The following BIRC6 variants were observed in gnomAD, a reference collection of about 807,000 sequenced individuals.
The protein encoded by BIRC6 is baculoviral IAP repeat containing 6.
A neutral mutation model predicts 503.3 loss-of-function variants in BIRC6; 98 were observed. The observed-to-expected ratio is 0.19, with a 90% CI of 0.17 to 0.23. The LOEUF (loss-of-function observed/expected upper bound fraction) is 0.23, where lower values mean the gene tolerates loss of function less well. BIRC6 is among the 10% of genes least tolerant of loss of function. The probability of loss-of-function intolerance (pLI) is 1.00; values close to 1 mark genes in which losing one functional copy is unlikely to be tolerated. For synonymous variants in BIRC6, 2,240 were observed against 2,078.7 expected, an observed-to-expected ratio of 1.08 and a Z score of -2.11; for missense variants, 5,360 against 5,806.0, an observed-to-expected ratio of 0.92 and a Z score of 2.50.
intron 8 of BIRC6, among the ~76,000 whole-genome samples, chr2:32,403,170 C>G (rs1190007426): frequency 6.6e-6 from 1 of 152,186 alleles, no homozygotes; most frequent in East Asian, 1.9e-4. Flanking sequence ...AGCCCCCTCT[C>G]TTCACTTCCC....
intron 1 of BIRC6, among the ~76,000 whole-genome samples, chr2:32,367,070 G>A (rs1455442080): frequency 2.0e-5 from 3 of 152,176 alleles, no homozygotes; most frequent in Non-Finnish European, 4.4e-5. Context: ...CTTGGGTGTA[G>A]AAGAGAATAT....
chr2:32,617,608 C>A, intron 73 of BIRC6, 117 bp from the exon 74 acceptor site: 1 of 1,063,780 alleles, frequency 9.4e-7, no homozygotes, highest in Non-Finnish European at 1.3e-6. Flanking sequence ...TAAGGAGGGG[C>A]TCAGTAAATA....
At chr2:32,404,448 G>T (rs1256952707) in intron 8 of BIRC6, among the ~76,000 whole-genome samples, 1 of 151,702 alleles carries the variant, frequency 6.6e-6, no homozygotes, top group African/African-American at 2.4e-5. Context: ...CTCCTGAGTA[G>T]CTGGGACTGA....
At chr2:32,452,094 T>C (rs2046791956) in intron 22 of BIRC6, among the ~76,000 whole-genome samples, 1 of 152,222 alleles carries the variant, frequency 6.6e-6, no homozygotes, top group African/African-American at 2.4e-5. Flanking sequence ...TTACCACTTG[T>C]CAAGTTTTTG....
chr2:32,411,491 CT>C (rs1238845566), intron 9 of BIRC6, among the ~76,000 whole-genome samples: 1 of 120,098 alleles, frequency 8.3e-6, no homozygotes, highest in East Asian at 2.8e-4. Flanking sequence ...GTGGTTTTTT[CT>C]TTTGAGACGG....
chr2:32,485,372 G>C (rs771272110), intron 39 of BIRC6, among the ~76,000 whole-genome samples: 2 of 152,090 alleles, frequency 1.3e-5, no homozygotes, highest in Non-Finnish European at 2.9e-5. Flanking sequence ...TGAGAAACCT[G>C]GTTCTCATTA....
At chr2:32,423,302 T>G (rs1267518430) in intron 10 of BIRC6, among the ~76,000 whole-genome samples, 1 of 152,148 alleles carries the variant, frequency 6.6e-6, no homozygotes, top group Non-Finnish European at 1.5e-5. Context: ...TTAAAATGTG[T>G]TAAATATATA....
At chr2:32,447,599 G>T (rs1222599779) in intron 21 of BIRC6, among the ~76,000 whole-genome samples, 2 of 111,180 alleles carry the variant, frequency 1.8e-5, no homozygotes, top group African/African-American at 7.9e-5. Flanking sequence ...CTGGCCAGGC[G>T]GGGGGCTGAT....
At position 32,525,651 on chromosome 2, in the gene BIRC6, C is replaced by T. The variant is rs377566860; in HGVS notation, c.11920+23C>T. ...CAGGTAATATTCCTCAATGAATAAA[C>T]GTCAAAGAAATTTTAGTAGCCTTAA... On this transcript the variant is annotated intron_variant, in intron 59 of 73. Coordinates refer to ENST00000421745, the MANE Select transcript of BIRC6 (RefSeq NM_016252.4). 48 of 1,591,344 alleles carry T rather than the reference C, an allele frequency of 3.0e-5. No homozygotes were observed. In the African/African-American group the frequency reaches 4.9e-4, roughly 16 times the overall value.
chr2:32,615,142 C>G (rs780637228), intron 73 of BIRC6, among the ~76,000 whole-genome samples: 22 of 152,158 alleles, frequency 1.4e-4, no homozygotes, highest in Non-Finnish European at 5.9e-5. Flanking sequence ...AATTCACTCA[C>G]TATCTCAGGA....
At chr2:32,435,375 C>T (rs901094896) in intron 13 of BIRC6, 121 bp from the exon 14 acceptor site, 2 of 1,104,772 alleles carry the variant, frequency 1.8e-6, no homozygotes, top group African/African-American at 1.6e-5. Flanking sequence ...CCCAAGTTAA[C>T]AGGAAATTTT....
intron 3 of BIRC6, among the ~76,000 whole-genome samples, chr2:32,383,758 C>T (rs1337271881): frequency 3.3e-5 from 5 of 152,136 alleles, no homozygotes; most frequent in African/African-American, 1.2e-4. Context: ...TCTTGAACTC[C>T]TGACCTCAGG....
chr2:32,525,346 A>G, intron 58 of BIRC6, 118 bp from the exon 59 acceptor site: 1 of 1,095,404 alleles, frequency 9.1e-7, no homozygotes, highest in Non-Finnish European at 1.3e-6. Flanking sequence ...TAGAAGGAAC[A>G]TTTCTGTTTT....
intron 44 of BIRC6, 85 bp downstream of exon 44, chr2:32,491,643 T>C (rs2051724292): frequency 1.5e-6 from 2 of 1,371,198 alleles, no homozygotes; most frequent in East Asian, 2.3e-5. Flanking sequence ...TTTTTATTGC[T>C]AAAGTATTAA....
intron 61 of BIRC6, among the ~76,000 whole-genome samples, chr2:32,536,068 A>AT (rs2057210004): frequency 6.6e-6 from 1 of 152,170 alleles, no homozygotes; most frequent in South Asian, 2.1e-4. Context: ...GATGATGAGC[A>AT]TTTTTTCATG....
At chr2:32,371,135 C>T (rs1430983215) in intron 1 of BIRC6, among the ~76,000 whole-genome samples, 1 of 147,512 alleles carries the variant, frequency 6.8e-6, no homozygotes, top group Non-Finnish European at 1.5e-5. Context: ...ATTGCTTGAG[C>T]CTGGGAGGCA....
At chr2:32,460,987 G>T (rs1405449784) in intron 23 of BIRC6, among the ~76,000 whole-genome samples, 1 of 142,598 alleles carries the variant, frequency 7.0e-6, no homozygotes, top group Admixed American at 7.0e-5. Context: ...CAATTGCTCT[G>T]CTCTGCTCTG....
intron 51 of BIRC6, 173 bp from the exon 52 acceptor site, chr2:32,509,565 A>C: frequency 1.4e-6 from 1 of 730,682 alleles, no homozygotes. Flanking sequence ...GATTTATCTT[A>C]TAGGGGAAAC....
At chr2:32,502,661 C>A in intron 47 of BIRC6, 134 bp from the exon 48 acceptor site, 1 of 583,500 alleles carries the variant, frequency 1.7e-6, no homozygotes, top group Non-Finnish European at 2.8e-6. Flanking sequence ...TGTATTTTGG[C>A]AGACATTTTG....
Sources: gnomAD v4.1 joint callset for allele counts (sites outside exome capture counted in the v4.1 genomes callset) on GRCh38, gnomAD v4.1.1 for gene constraint, MANE v1.5 for transcripts, NCBI Gene and HGNC (gene_info 2026-07-23, HGNC 2026-07-21) for gene names.